The following PAK5 variants were observed in gnomAD, a reference collection of about 807,000 sequenced individuals.
PAK5 encodes p21 (RAC1) activated kinase 5, also known as serine/threonine-protein kinase PAK 5.
PAK5 carries 16 observed loss-of-function variants against 65.9 expected under a neutral mutation model. The ratio of observed to expected loss-of-function variants is 0.24; its 90% confidence interval spans 0.16 to 0.37. The LOEUF (loss-of-function observed/expected upper bound fraction) is 0.37, where lower values mean the gene tolerates loss of function less well. Ranked by LOEUF, PAK5 falls within the 10% of genes least tolerant of loss-of-function variation. The pLI is 1.00. For synonymous variants in PAK5, 371 were observed against 354.9 expected (o/e 1.05, Z -0.51); for missense variants, 785 against 903.9 (o/e 0.87, Z 1.69).
In PAK5 at chr20:9,537,771, A is replaced by T; in HGVS notation, c.*1691T>A. On this transcript the variant is annotated 3_prime_UTR_variant, in exon 10 of 10. Coordinates refer to ENST00000353224, the MANE Select transcript of PAK5 (RefSeq NM_177990.4). ...CTTTAATATTTTACATAAAACATTG[A>T]TTTGCTGTTTTATGAAGCAAAATCA... The T allele has an allele frequency of 4.5e-6, 1 of 222,198 alleles. No individual in the cohort carries two copies. 13.8% of individuals were successfully genotyped at this position (222,198 alleles called of 1,614,324 possible).
chr20:9,665,657 CTTTTCTTTTT>C (rs2047406645), intron 2 of PAK5, among the ~76,000 whole-genome samples: 1 of 139,936 alleles, frequency 7.1e-6, no homozygotes, highest in Admixed American at 7.0e-5. Context: ...TATTTCTTTT[CTTTTCTTTTT>C]TTTTTTTTGA....
At chr20:9,750,491 AT>A (rs1165539342) in intron 1 of PAK5, among the ~76,000 whole-genome samples, 2 of 152,176 alleles carry the variant, frequency 1.3e-5, no homozygotes, top group East Asian at 3.9e-4. Context: ...AGCACTATGT[AT>A]TTGACGAAAT....
intron 3 of PAK5, among the ~76,000 whole-genome samples, chr20:9,632,567 T>C (rs966129385): frequency 5.3e-5 from 8 of 152,180 alleles, no homozygotes; most frequent in Non-Finnish European, 1.0e-4. Context: ...TAGGGAATCA[T>C]AGTCAGGTAG....
chr20:9,673,023 T>C (rs1255242314), intron 2 of PAK5, among the ~76,000 whole-genome samples: 1 of 152,164 alleles, frequency 6.6e-6, no homozygotes, highest in African/African-American at 2.4e-5. Context: ...CTCTACCTAT[T>C]CATCTTTATG....
At chr20:9,751,352 C>T (rs2048575015) in intron 1 of PAK5, among the ~76,000 whole-genome samples, 1 of 152,094 alleles carries the variant, frequency 6.6e-6, no homozygotes, top group Admixed American at 6.6e-5. Flanking sequence ...AATTAACAAT[C>T]ACAAAGATTC....
intron 1 of PAK5, among the ~76,000 whole-genome samples, chr20:9,809,186 T>A (rs1044608927): frequency 6.6e-6 from 1 of 152,080 alleles, no homozygotes; most frequent in Non-Finnish European, 1.5e-5. Flanking sequence ...ATACACTAGA[T>A]ATACTATGAA....
intron 2 of PAK5, among the ~76,000 whole-genome samples, chr20:9,655,988 C>A (rs1427489557): frequency 6.6e-6 from 1 of 152,074 alleles, no homozygotes; most frequent in Non-Finnish European, 1.5e-5. Context: ...TCTTTAAAGT[C>A]CCTACCTCCC....
intron 3 of PAK5, among the ~76,000 whole-genome samples, chr20:9,640,643 T>C (rs1353182157): frequency 6.6e-6 from 1 of 152,142 alleles, no homozygotes; most frequent in African/African-American, 2.4e-5. Context: ...GTGTTACAGC[T>C]CTTAAAGTGG....
At chr20:9,661,960 G>T (rs111286568) in intron 2 of PAK5, among the ~76,000 whole-genome samples, 183 of 152,130 alleles carry the variant, frequency 1.2e-3, no homozygotes, top group African/African-American at 3.7e-3. Flanking sequence ...AGCCCCTCTG[G>T]GCTCTTCTCT....
chr20:9,602,043 T>C (rs1265392222), intron 3 of PAK5, among the ~76,000 whole-genome samples: 2 of 152,060 alleles, frequency 1.3e-5, no homozygotes, highest in Non-Finnish European at 2.9e-5. Flanking sequence ...ACTCCAGGAA[T>C]GCACTTTGGG....
intron 1 of PAK5, among the ~76,000 whole-genome samples, chr20:9,720,857 A>G (rs772733423): frequency 2.0e-5 from 3 of 152,170 alleles, no homozygotes; most frequent in African/African-American, 4.8e-5. Flanking sequence ...ACAAAAAGTC[A>G]AATATTTTAT....
At chr20:9,600,022 G>A (rs990682686) in intron 3 of PAK5, among the ~76,000 whole-genome samples, 3 of 152,220 alleles carry the variant, frequency 2.0e-5, no homozygotes, top group South Asian at 2.1e-4. Context: ...GTTAATTTAT[G>A]TATATGGTAT....
intron 7 of PAK5, among the ~76,000 whole-genome samples, chr20:9,549,969 T>A (rs1453205144): frequency 6.6e-6 from 1 of 152,168 alleles, no homozygotes; most frequent in Admixed American, 6.5e-5. Context: ...GTTTTTCATT[T>A]CTTCTTCTTC....
intron 3 of PAK5, among the ~76,000 whole-genome samples, chr20:9,591,384 CA>C (rs1223300215): frequency 1.3e-5 from 2 of 152,076 alleles, no homozygotes; most frequent in East Asian, 3.9e-4. Context: ...AGACAAGCTC[CA>C]AACCCTTTGA....
intron 1 of PAK5, among the ~76,000 whole-genome samples, chr20:9,820,693 C>G (rs917164019): frequency 1.3e-5 from 2 of 152,158 alleles, no homozygotes; most frequent in African/African-American, 4.8e-5. Flanking sequence ...AATTAAGAAG[C>G]AAGGGGACCC....
At chr20:9,540,027 A>G (rs946000346) in intron 9 of PAK5, among the ~76,000 whole-genome samples, 1 of 152,214 alleles carries the variant, frequency 6.6e-6, no homozygotes, top group African/African-American at 2.4e-5. Context: ...CCTTTCTTTA[A>G]GAGAAACAAG....
chr20:9,632,025 A>G (rs986242217), intron 3 of PAK5, among the ~76,000 whole-genome samples: 1 of 152,344 alleles, frequency 6.6e-6, no homozygotes, highest in Admixed American at 6.5e-5. Flanking sequence ...AATGAGAGAT[A>G]AAATTAAATC....
intron 3 of PAK5, among the ~76,000 whole-genome samples, chr20:9,624,229 A>G (rs765737252): frequency 6.6e-6 from 1 of 152,210 alleles, no homozygotes; most frequent in African/African-American, 2.4e-5. Flanking sequence ...GCATAGGAGA[A>G]CTGTATCAGA....
At chr20:9,823,084 T>C (rs962622356) in intron 1 of PAK5, among the ~76,000 whole-genome samples, 2 of 152,232 alleles carry the variant, frequency 1.3e-5, no homozygotes, top group Non-Finnish European at 2.9e-5. Flanking sequence ...CTGTCATAGA[T>C]GAGATTAGTG....
Sources: allele counts gnomAD v4.1 joint callset (sites outside exome capture counted in the v4.1 genomes callset), GRCh38; gene constraint gnomAD v4.1.1; transcripts MANE v1.5; gene names NCBI Gene and HGNC (gene_info 2026-07-23, HGNC 2026-07-21).